SYTL2: variants seen among roughly 807,000 people sequenced by gnomAD.
SYTL2 encodes the protein synaptotagmin like 2, also known as synaptotagmin-like protein 2.
A neutral mutation model predicts 198.7 loss-of-function variants in SYTL2; 165 were observed. The observed-to-expected ratio is 0.83, with a 90% CI of 0.73 to 0.94. The LOEUF is 0.94. Ranked by LOEUF, SYTL2 falls within the 40% of genes least tolerant of loss-of-function variation. The pLI is 0.00. For synonymous variants in SYTL2, 966 were observed against 917.7 expected (o/e 1.05, Z -0.95); for missense variants, 2,835 against 2,582.8 (o/e 1.10, Z -2.12).
Position 85,726,126 on chromosome 11 carries a change from T to G in SYTL2, c.3232A>C (p.Thr1078Pro), listed in dbSNP as rs747686164. 42 of 1,614,004 alleles carry G rather than the reference T, an allele frequency of 2.6e-5. No homozygotes were observed. Among genetic ancestry groups the G allele is most frequent in the Non-Finnish European group, 3.2e-5 (38 of 1,180,010 alleles). The change falls in exon 8 of 20, where the codon ACT becomes CCT. Residue 1078 changes from threonine to proline, a missense_variant. Around this residue, in one of 3 missense-constraint regions of SYTL2, gnomAD observed 2,645 missense variants for 2,381.7 expected, o/e 1.11. Transcript: ENST00000359152. ...TFPLSPLRKY[T>P]YQLPGNESSK... Reference sequence around the variant, plus strand: ...GACTCATTTCCTGGCAACTGATAAGTATACTTTCTAAGTGGACTCAAAGGA... The same window carrying G: ...GACTCATTTCCTGGCAACTGATAAGGATACTTTCTAAGTGGACTCAAAGGA...
chr11:85,705,018 T>G lies in SYTL2; in HGVS notation c.6029A>C (p.Glu2010Ala). 6.2e-7 allele frequency: 1 copy of G among 1,610,844 alleles called. No individual in the cohort carries two copies. Among genetic ancestry groups the G allele is most frequent in the Middle Eastern group, 1.7e-4 (1 of 6,036 alleles). The change falls in exon 16 of 20, where the codon GAA becomes GCA. Residue 2010 changes from glutamate to alanine, a missense_variant. By Grantham distance (107) the Glu-to-Ala change is moderately radical. Coordinates refer to ENST00000359152, the MANE Select transcript of SYTL2 (RefSeq NM_206927.4). Reference sequence around the variant, plus strand: ...TTTCTGTGTCTTTAAGATTTGTTTTTCAATTTTATACTGAAGTTCAAAGAA... The same window carrying G: ...TTTCTGTGTCTTTAAGATTTGTTTTGCAATTTTATACTGAAGTTCAAAGAA... The part of the protein sequence containing the change: ...VYNEILRYKI[E>A]KQILKTQKLN...
In SYTL2 at chr11:85,695,252, AG is replaced by A; in HGVS notation, c.6662del (p.Thr2221IlefsTer13). The A allele has an allele frequency of 1.2e-6, 2 of 1,612,912 alleles. No homozygotes were observed. Among genetic ancestry groups the A allele is most frequent in the Non-Finnish European group, 1.7e-6 (2 of 1,179,160 alleles). On this transcript the variant is annotated frameshift_variant, in exon 20 of 20. Transcript: ENST00000359152. LOFTEE classifies it high-confidence loss of function. ...TGAGAGGCAGTGTTGCTTCAATCCA[AG>A]TATTGGGGGAGTTTACCATCTTCTC... The part of the protein sequence containing the change: ...LWEKMVNSPN[T>X]WIEATLPLRM...
At position 85,745,750 on chromosome 11, in the gene SYTL2, TTCTC is replaced by T. The variant is rs2091111625; in HGVS notation, c.272_275del (p.Arg91LysfsTer9). The T allele has an allele frequency of 6.2e-7, 1 of 1,613,398 alleles. No individual in the cohort carries two copies. Among genetic ancestry groups the T allele is most frequent in the Non-Finnish European group, 8.5e-7 (1 of 1,179,564 alleles). On this transcript the variant is annotated frameshift_variant, in exon 4 of 20. Coordinates refer to ENST00000359152, the MANE Select transcript of SYTL2 (RefSeq NM_206927.4). LOFTEE classifies it high-confidence loss of function. ...TCACCCAGCTTTCCTTTGCCCCATT[TTCTC>T]TGTCTTTACTCTGCTCAGCTGAAAC...
At chr11:85,801,134 C>T (rs1431658507) in intron 1 of SYTL2, among the ~76,000 whole-genome samples, 5 of 152,188 alleles carry the variant, frequency 3.3e-5, no homozygotes, top group Admixed American at 3.3e-4. Context: ...CTCTCTGCTC[C>T]TCCCTCTAAG....
In SYTL2 at chr11:85,725,868, T is replaced by A; in HGVS notation, c.3490A>T (p.Ser1164Cys). Residue 1164 changes from serine to cysteine, a missense_variant, in exon 8 of 20, where the codon AGT becomes TGT. Physicochemically the swap from Ser to Cys is moderately radical, Grantham distance 112. Coordinates refer to ENST00000359152, the MANE Select transcript of SYTL2 (RefSeq NM_206927.4). The stretch of plus-strand genomic sequence containing the variant: ...GGCCATGTCCTATTTTCAGAAACAC[T>A]TGGTTCAAGCACTTGTTTTCCATGA... ...KVHGKQVLEP[S>C]VSENRTWPQK... The A allele has an allele frequency of 1.2e-6, 2 of 1,613,914 alleles. No individual in the cohort carries two copies. The highest frequency in any genetic ancestry group is 1.7e-6 in the Non-Finnish European group (2 of 1,179,952).
rs1024895744 is a variant in SYTL2 at position 85,780,618 on chromosome 11, T to A, written c.-389-22504A>T. 1.1e-4 allele frequency among the ~76,000 whole-genome samples: 17 copies of A among 152,366 alleles called. 2 individuals are homozygous for A. The highest frequency in any genetic ancestry group is 3.3e-4 in the Admixed American group (5 of 15,304). Reference sequence around the variant, plus strand: ...GTTAGCTGAACACATGGAAGCTCCATGCCCCTTCTCCCATACTTTGCCCTA... The same window carrying A: ...GTTAGCTGAACACATGGAAGCTCCAAGCCCCTTCTCCCATACTTTGCCCTA... On this transcript the variant is annotated intron_variant, in intron 1 of 19. Coordinates refer to ENST00000359152, the MANE Select transcript of SYTL2 (RefSeq NM_206927.4).
chr11:85,717,818 A>G, intron 10 of SYTL2: 2 of 457,420 alleles, frequency 4.4e-6, no homozygotes, highest in Non-Finnish European at 8.4e-6. Context: ...ACTAGGAGTA[A>G]TGAAGCTGAG....
chr11:85,752,990 T>C (rs1243927935), intron 2 of SYTL2, among the ~76,000 whole-genome samples: 5 of 115,252 alleles, frequency 4.3e-5, no homozygotes, highest in Middle Eastern at 7.8e-3. Context: ...AATCATAAGA[T>C]GTGGTGGCGG....
intron 4 of SYTL2, among the ~76,000 whole-genome samples, chr11:85,741,959 A>G (rs950266688): frequency 6.6e-6 from 1 of 152,220 alleles, no homozygotes; most frequent in Admixed American, 6.5e-5. Flanking sequence ...TTTTTCTTGC[A>G]AGGAAATTTA....
chr11:85,707,340 T>G lies in SYTL2; in HGVS notation c.6018+89A>C, dbSNP rs570036695. On this transcript the variant is annotated intron_variant, in intron 15 of 19. Transcript: ENST00000359152. ...CCCTTCCTTCTCCTCTCTTGGTGACTGACTTTATCCTGTAGAGCTACTACC... is the reference window on the plus strand; with the variant it reads ...CCCTTCCTTCTCCTCTCTTGGTGACGGACTTTATCCTGTAGAGCTACTACC... The G allele has an allele frequency of 4.5e-5, 38 of 847,178 alleles. No homozygotes were observed. In the South Asian group the frequency reaches 5.2e-4, roughly 11 times the overall value. The allele number at this position is 847,178 out of a possible 1,614,324, so 52.5% of individuals were successfully genotyped here. A position where few individuals can be genotyped will look rare whatever the true frequency, so the allele number is the denominator to read the frequency against.
At chr11:85,823,383 G>A in the SYTL2 span, among the ~76,000 whole-genome samples, 1 of 152,188 alleles carries the variant, frequency 6.6e-6, no homozygotes, top group Admixed American at 6.5e-5. Flanking sequence ...GATTTTAGTA[G>A]TCTAGCAGCT....
At chr11:85,826,009 C>G in the SYTL2 span, among the ~76,000 whole-genome samples, 3 of 152,276 alleles carry the variant, frequency 2.0e-5, no homozygotes, top group African/African-American at 7.2e-5. Flanking sequence ...AAGTGAAAAA[C>G]TCTTAAGAAA....
chr11:85,833,885 T>C, the SYTL2 span, among the ~76,000 whole-genome samples: 1 of 151,942 alleles, frequency 6.6e-6, no homozygotes, highest in East Asian at 1.9e-4. Flanking sequence ...ATTACAAGCA[T>C]ACGTCACCAT....
intron 1 of SYTL2, among the ~76,000 whole-genome samples, chr11:85,799,840 T>C (rs1346570051): frequency 6.6e-6 from 1 of 152,214 alleles, no homozygotes; most frequent in East Asian, 1.9e-4. Flanking sequence ...ACTCTGAGCC[T>C]AAAACAATTT....
chr11:85,761,671 T>C (rs779976848), intron 1 of SYTL2, among the ~76,000 whole-genome samples: 2 of 152,226 alleles, frequency 1.3e-5, no homozygotes, highest in South Asian at 4.1e-4. Context: ...GTAGGTCTTA[T>C]GTATTGAGAC....
At chr11:85,851,516 A>G in the SYTL2 span, among the ~76,000 whole-genome samples, 1 of 152,258 alleles carries the variant, frequency 6.6e-6, no homozygotes, top group African/African-American at 2.4e-5. Flanking sequence ...TTCTTCTACT[A>G]TAGATACTTT....
At chr11:85,766,257 A>T (rs2092235492) in intron 1 of SYTL2, among the ~76,000 whole-genome samples, 1 of 152,186 alleles carries the variant, frequency 6.6e-6, no homozygotes, top group Non-Finnish European at 1.5e-5. Context: ...AGTCTTGATA[A>T]ATGTGCTAGA....
intron 1 of SYTL2, among the ~76,000 whole-genome samples, chr11:85,776,944 G>C (rs772356306): frequency 1.3e-5 from 2 of 152,174 alleles, no homozygotes; most frequent in Non-Finnish European, 2.9e-5. Flanking sequence ...GTAGTGAAGA[G>C]ATCAGGGCAA....
chr11:85,734,169 T>C lies in SYTL2; in HGVS notation c.1160A>G (p.Tyr387Cys). ...EFQSDPKPSQ[Y>C]RKPSLFHQST... Reference sequence around the variant, plus strand: ...TTGATGAAAAAGCGAAGGCTTTCTGTATTGAGAAGGCTTAGGGTCACTCTG... The same window carrying C: ...TTGATGAAAAAGCGAAGGCTTTCTGCATTGAGAAGGCTTAGGGTCACTCTG... The change falls in exon 7 of 20, where the codon TAC becomes TGC. Residue 387 changes from tyrosine to cysteine, a missense_variant. Tyr to Cys is a radical substitution (Grantham distance 194, BLOSUM62 -2). Transcript: ENST00000359152. 6.2e-7 allele frequency: 1 copy of C among 1,614,192 alleles called. No homozygotes were observed. The highest frequency in any genetic ancestry group is 8.5e-7 in the Non-Finnish European group (1 of 1,179,994).
Sources: allele counts gnomAD v4.1 joint callset (sites outside exome capture counted in the v4.1 genomes callset), GRCh38; gene constraint gnomAD v4.1.1; regional missense constraint gnomAD v4.1.1; transcripts MANE v1.5; gene names NCBI Gene and HGNC (gene_info 2026-07-23, HGNC 2026-07-21).